The following EML6 variants were observed in gnomAD, a reference collection of about 807,000 sequenced individuals.
The protein encoded by EML6 is echinoderm microtubule-associated protein-like 6.
Under a neutral mutation model 240.1 loss-of-function variants are expected in EML6, and 154 were observed. The ratio of observed to expected loss-of-function variants is 0.64; its 90% CI spans 0.56 to 0.73. The LOEUF (loss-of-function observed/expected upper bound fraction) is 0.73. Among genes scored for constraint, EML6 ranks in the 30% least tolerant of loss-of-function variants. The pLI, the probability that EML6 is intolerant of heterozygous loss-of-function variation, is 0.00. For missense variants in EML6, 2,964 were observed against 2,474.6 expected (o/e 1.20, Z -4.20); for synonymous variants, 1,148 against 899.0 (o/e 1.28, Z -4.95).
chr2:54,968,000 G>A (rs1676823509), intron 39 of EML6, 128 bp from the exon 40 acceptor site: 2 of 852,086 alleles, frequency 2.3e-6, no homozygotes, highest in African/African-American at 1.7e-5. Context: ...ACCGTTCCGT[G>A]GCCTGGCTGT....
chr2:54,750,814 A>T (rs953825838), intron 2 of EML6, among the ~76,000 whole-genome samples: 13 of 152,196 alleles, frequency 8.5e-5, no homozygotes, highest in African/African-American at 2.6e-4. Context: ...GGGTAATGTG[A>T]CCATTTTAGA....
intron 33 of EML6, among the ~76,000 whole-genome samples, chr2:54,958,234 T>C (rs1286347538): frequency 3.9e-5 from 6 of 152,048 alleles, no homozygotes; most frequent in Admixed American, 3.3e-4. Context: ...CTCTGTCACC[T>C]AGGCTGGAGT....
intron 22 of EML6, among the ~76,000 whole-genome samples, chr2:54,902,381 G>A (rs938904625): frequency 3.9e-5 from 6 of 152,032 alleles, no homozygotes; most frequent in African/African-American, 1.4e-4. Context: ...CTTTTTCCTT[G>A]GACTTGGGGA....
rs1035617226 is a variant in EML6, at chr2:54,926,794, A to G, written c.3676-1519A>G. On this transcript the variant is annotated intron_variant, in intron 26 of 41. Transcript: ENST00000356458. The stretch of plus-strand genomic sequence containing the variant: ...TTTTTTCCTCTCTCTTTCTTCCTCT[A>G]TGTCCCTTTTTTCCCCTCTGCAACC... Among the ~76,000 whole-genome samples, 60 of 151,700 alleles carry G rather than the reference A, an allele frequency of 4.0e-4. 4 individuals carry two copies. Among genetic ancestry groups the G allele is most frequent in the Non-Finnish European group, 1.0e-4 (7 of 67,936 alleles).
rs755850831 is a variant in EML6 at position 54,957,826 on chromosome 2, G to C, written c.4523G>C (p.Arg1508Pro). 1 of 1,550,174 alleles carries C rather than the reference G, an allele frequency of 6.5e-7. No individual in the cohort carries two copies. Among genetic ancestry groups the C allele is most frequent in the Admixed American group, 2.0e-5 (1 of 51,006 alleles). ...GCCAGCCGAGGGGGTCACCTGGAGC[G>C]CATATTTGTGGTGGAATTTCGCCCC... Reference protein sequence around the residue: ...KVASRGGHLERIFVVEFRPDS... With the variant: ...KVASRGGHLEPIFVVEFRPDS... Residue 1508 changes from arginine to proline, a missense_variant, in exon 33 of 42, where the codon CGC (arginine) becomes CCC (proline). Coordinates refer to ENST00000356458, the MANE Select transcript of EML6 (RefSeq NM_001039753.4).
intron 8 of EML6, among the ~76,000 whole-genome samples, chr2:54,846,749 G>T (rs1401155302): frequency 6.6e-6 from 1 of 151,970 alleles, no homozygotes; most frequent in Non-Finnish European, 1.5e-5. Flanking sequence ...CTCCCAAAGT[G>T]CTGGGATTAT....
At chr2:54,866,973 C>T (rs1671003425) in intron 14 of EML6, 89 bp downstream of exon 14, 3 of 705,902 alleles carry the variant, frequency 4.2e-6, no homozygotes, top group Admixed American at 2.4e-5. Context: ...GGGATCCCCT[C>T]CCCTCAGTGT....
intron 35 of EML6, among the ~76,000 whole-genome samples, chr2:54,961,698 T>C (rs1376625971): frequency 1.1e-4 from 17 of 151,804 alleles, no homozygotes; most frequent in Admixed American, 1.1e-3. Flanking sequence ...GAATGGACAG[T>C]TTGTTGTTAA....
intron 7 of EML6, among the ~76,000 whole-genome samples, chr2:54,842,834 A>G (rs561677660): frequency 6.6e-6 from 1 of 152,354 alleles, no homozygotes; most frequent in Admixed American, 6.5e-5. Flanking sequence ...TTAAAGGAGT[A>G]CTATGCTTTT....
Position 54,916,865 on chromosome 2 carries a change from C to A in EML6, c.3605C>A (p.Thr1202Asn), listed in dbSNP as rs370241944. Residue 1202 changes from threonine (T) to asparagine (N), a missense_variant, in exon 26 of 42, where the codon ACC (threonine) becomes AAC (asparagine). Physicochemically the swap from Thr to Asn is moderately conservative, Grantham distance 65. Transcript: ENST00000356458. ...ACTGACGTAAATGCTGCCAGTCTTA[C>A]CAAAGACTGTTCCCTTTTAGCCACC... ...DITDVNAASL[T>N]KDCSLLATGD... The A allele has an allele frequency of 5.2e-6, 8 of 1,550,462 alleles. No homozygotes were observed. The highest frequency in any genetic ancestry group is 7.0e-6 in the Non-Finnish European group (8 of 1,146,106).
chr2:54,954,382 C>G (rs1465918748), intron 32 of EML6, among the ~76,000 whole-genome samples: 1 of 152,136 alleles, frequency 6.6e-6, no homozygotes, highest in Non-Finnish European at 1.5e-5. Flanking sequence ...ACTCCAGGGC[C>G]CATTAGTGAA....
chr2:54,809,378 T>A (rs1667707912), intron 2 of EML6, among the ~76,000 whole-genome samples: 1 of 152,180 alleles, frequency 6.6e-6, no homozygotes, highest in Non-Finnish European at 1.5e-5. Context: ...TGACTTGCGC[T>A]ATGGGAGGAC....
chr2:54,811,052 T>A (rs940870880), intron 2 of EML6, among the ~76,000 whole-genome samples: 1 of 152,046 alleles, frequency 6.6e-6, no homozygotes, highest in Non-Finnish European at 1.5e-5. Context: ...TACTAAGCAT[T>A]TCCCCCTCTG....
In EML6 at chr2:54,891,175, C is replaced by T. The variant is rs191192587; in HGVS notation, c.2539+21C>T. 4.1e-3 allele frequency: 5,000 copies of T among 1,216,178 alleles called. 18 individuals are homozygous for T. The highest frequency in any genetic ancestry group is 4.9e-3 in the Non-Finnish European group (4,251 of 870,396). 75.3% of individuals were successfully genotyped at this position (1,216,178 alleles called of 1,614,324 possible). ...AGCAGGTACTGTCGTTTGGGTTTAT[C>T]ATTTATGTGATTGAGAGCTTTACCC... On this transcript the variant is annotated intron_variant, in intron 18 of 41. Coordinates refer to ENST00000356458, the MANE Select transcript of EML6 (RefSeq NM_001039753.4).
rs538499694 is a variant in EML6 at position 54,904,586 on chromosome 2, G to C, written c.3409+1084G>C. Reference sequence around the variant, plus strand: ...GCAAAAGGAATATGGCATATGAAGAGTGAAGGTGGGAAGAACCAGGGGGTG... The same window carrying C: ...GCAAAAGGAATATGGCATATGAAGACTGAAGGTGGGAAGAACCAGGGGGTG... On this transcript the variant is annotated intron_variant, in intron 24 of 41. Coordinates refer to ENST00000356458, the MANE Select transcript of EML6 (RefSeq NM_001039753.4). Among the ~76,000 whole-genome samples the C allele has an allele frequency of 5.9e-5, 9 of 152,314 alleles. No homozygotes were observed. In the South Asian group the frequency reaches 6.2e-4, roughly 11 times the overall value.
intron 26 of EML6, among the ~76,000 whole-genome samples, chr2:54,920,012 G>C (rs577054730): frequency 6.6e-6 from 1 of 152,088 alleles, no homozygotes; most frequent in Non-Finnish European, 1.5e-5. Context: ...ATAATATAGT[G>C]AACTAATAGA....
intron 2 of EML6, among the ~76,000 whole-genome samples, chr2:54,772,286 G>A (rs1323448739): frequency 2.6e-5 from 4 of 152,136 alleles, no homozygotes; most frequent in Admixed American, 2.0e-4. Context: ...GAAGTGACTT[G>A]GTTAGTGGTG....
At chr2:54,796,938 G>C (rs1290711022) in intron 2 of EML6, among the ~76,000 whole-genome samples, 2 of 151,866 alleles carry the variant, frequency 1.3e-5, no homozygotes, top group Non-Finnish European at 2.9e-5. Context: ...GCCGAGGTGG[G>C]CAATCTCGAG....
At chr2:54,938,758 C>T (rs1675278715) in intron 28 of EML6, among the ~76,000 whole-genome samples, 1 of 152,230 alleles carries the variant, frequency 6.6e-6, no homozygotes, top group Admixed American at 6.5e-5. Context: ...CTGGCTGCAC[C>T]TGTTCGGATC....
Sources: allele counts gnomAD v4.1 joint callset (sites outside exome capture counted in the v4.1 genomes callset), GRCh38; gene constraint gnomAD v4.1.1; transcripts MANE v1.5; gene names NCBI Gene and HGNC (gene_info 2026-07-23, HGNC 2026-07-21).